Variants in RPTOR observed in about 807,000 individuals in gnomAD.
RPTOR encodes the protein regulatory associated protein of MTOR complex 1.
A neutral mutation model predicts 169.9 loss-of-function variants in RPTOR; 21 were observed. That is an observed-to-expected ratio of 0.12 (90% confidence interval 0.09 to 0.18). The LOEUF is 0.18. RPTOR is among the 10% of genes least tolerant of loss of function. The pLI is 1.00. For missense variants in RPTOR, 1,133 were observed against 1,855.9 expected (o/e 0.61, Z 7.16); for synonymous variants, 732 against 753.2 (o/e 0.97, Z 0.46).
chr17:80,659,408 C>T lies in RPTOR; in HGVS notation c.348+15598C>T, dbSNP rs531520455. On this transcript the variant is annotated intron_variant, in intron 3 of 33. Coordinates refer to ENST00000306801, the MANE Select transcript of RPTOR (RefSeq NM_020761.3). This position sits in a 1 kb window ranked among gnomAD's most constrained non-coding sequence, Gnocchi z 4.3. ...GTGCAGTGGTGCAATCACGGGTCACCGCAGCCTCGACCTCCTGGGCTCAAG... is the reference window on the plus strand; with the variant it reads ...GTGCAGTGGTGCAATCACGGGTCACTGCAGCCTCGACCTCCTGGGCTCAAG... 2.0e-5 allele frequency among the ~76,000 whole-genome samples: 3 copies of T among 152,268 alleles called. No individual in the cohort carries two copies. The highest frequency in any genetic ancestry group is 2.9e-5 in the Non-Finnish European group (2 of 68,018).
Position 80,676,710 on chromosome 17 carries a change from T to C in RPTOR, c.349-31131T>C, listed in dbSNP as rs1240449356. On this transcript the variant is annotated intron_variant, in intron 3 of 33. Transcript: ENST00000306801. ...AGCAGGGTGGCTGCTTCTCCAGGCC[T>C]GGAAGCCTGCGTGGTGGCTGAACTG... is the stretch of plus-strand genomic sequence containing the variant. Among the ~76,000 whole-genome samples, 3 of 152,216 alleles carry C rather than the reference T, an allele frequency of 2.0e-5. No homozygotes were observed. The East Asian group carries it at 5.8e-4, about 29-fold the overall frequency.
intron 9 of RPTOR, among the ~76,000 whole-genome samples, chr17:80,832,894 A>C (rs2067521519): frequency 6.6e-6 from 1 of 152,252 alleles, no homozygotes; most frequent in Admixed American, 6.5e-5. Context: ...AAGAGGAAAG[A>C]GGGAACAAAG....
chr17:80,689,060 T>C (rs1285745271), intron 3 of RPTOR, among the ~76,000 whole-genome samples: 1 of 152,256 alleles, frequency 6.6e-6, no homozygotes, highest in African/African-American at 2.4e-5. Flanking sequence ...ATTTTGGATA[T>C]GACTTTGCCT....
chr17:80,626,647 A>G (rs912708652), intron 2 of RPTOR, among the ~76,000 whole-genome samples: 9 of 151,180 alleles, frequency 6.0e-5, no homozygotes, highest in Admixed American at 5.3e-4. Flanking sequence ...TGAGACATAG[A>G]GATTAGTAAT....
chr17:80,654,632 G>A (rs12939557), intron 3 of RPTOR, among the ~76,000 whole-genome samples: 9,601 of 152,318 alleles, frequency 0.063, 390 homozygotes, highest in Non-Finnish European at 0.1. Flanking sequence ...TGCATGTGTG[G>A]CAGGCTCCTT....
At chr17:80,881,433 G>A (rs545685565) in intron 14 of RPTOR, among the ~76,000 whole-genome samples, 4 of 152,370 alleles carry the variant, frequency 2.6e-5, no homozygotes, top group South Asian at 4.1e-4. Flanking sequence ...GCTCACTGGC[G>A]ACTTGGGCGC....
chr17:80,954,505 A>G (rs545406963), intron 28 of RPTOR, among the ~76,000 whole-genome samples: 82 of 676 alleles, frequency 0.12, 1 homozygote, highest in South Asian at 0.41. Context: ...GGCTTAAGCA[A>G]TCCTCTGTCT....
chr17:80,940,639 G>C (rs547988883), intron 25 of RPTOR, 38 bp downstream of exon 25: 2 of 1,537,060 alleles, frequency 1.3e-6, no homozygotes, highest in African/African-American at 2.7e-5. Flanking sequence ...GGCTCATTCC[G>C]GGGGTGGGGC....
At chr17:80,752,813 T>C (rs929335543) in intron 5 of RPTOR, among the ~76,000 whole-genome samples, 1 of 152,240 alleles carries the variant, frequency 6.6e-6, no homozygotes, top group African/African-American at 2.4e-5. Flanking sequence ...AACCTTTGAA[T>C]GTAATGCATT....
intron 1 of RPTOR, among the ~76,000 whole-genome samples, chr17:80,546,165 A>G (rs899894090): frequency 6.6e-6 from 1 of 152,242 alleles, no homozygotes; most frequent in African/African-American, 2.4e-5. Flanking sequence ...TGATTAGTCT[A>G]CTTTTTAAAA....
At chr17:80,796,144 C>A (rs1056492048) in intron 7 of RPTOR, among the ~76,000 whole-genome samples, 1 of 152,226 alleles carries the variant, frequency 6.6e-6, no homozygotes, top group Non-Finnish European at 1.5e-5. Context: ...TGTCAAGACA[C>A]TGCCTGAGAC....
chr17:80,570,193 T>A (rs1281371646), intron 1 of RPTOR, among the ~76,000 whole-genome samples: 9 of 152,072 alleles, frequency 5.9e-5, no homozygotes. Flanking sequence ...CACACCTCAT[T>A]TGTCTTCCCG....
At position 80,962,918 on chromosome 17, in the gene RPTOR, C is replaced by T. The variant is rs2069364385; in HGVS notation, c.3810-10C>T. 2.5e-6 allele frequency: 4 copies of T among 1,613,334 alleles called. No homozygotes were observed. Among genetic ancestry groups the T allele is most frequent in the Non-Finnish European group, 3.4e-6 (4 of 1,179,884 alleles). ...GGGCAGTGATGCCGGGACCCTTTCT[C>T]TCCCCACAGTGGCTCCGTCAATCAG... is the stretch of plus-strand genomic sequence containing the variant. On this transcript the variant is annotated splice_polypyrimidine_tract_variant and intron_variant, in intron 32 of 33. Transcript: ENST00000306801.
At chr17:80,857,988 TC>T (rs2067873431) in intron 13 of RPTOR, 88 bp downstream of exon 13, 1 of 1,025,360 alleles carries the variant, frequency 9.8e-7, no homozygotes, top group African/African-American at 1.6e-5. Flanking sequence ...GCCTGCCCTT[TC>T]TCCAGCCTCG....
chr17:80,876,936 C>T (rs1157331971), intron 13 of RPTOR, among the ~76,000 whole-genome samples: 4 of 142,456 alleles, frequency 2.8e-5, no homozygotes, highest in African/African-American at 1.1e-4. Flanking sequence ...TCCCACCGAG[C>T]CCGTGCCACT....
chr17:80,931,613 C>T (rs1373894511), intron 24 of RPTOR, among the ~76,000 whole-genome samples: 2 of 151,584 alleles, frequency 1.3e-5, no homozygotes, highest in Non-Finnish European at 2.9e-5. Flanking sequence ...CAAACCCTGT[C>T]GCCCCCAGAG....
At chr17:80,755,269 C>T (rs1333072082) in intron 6 of RPTOR, among the ~76,000 whole-genome samples, 1 of 152,166 alleles carries the variant, frequency 6.6e-6, no homozygotes, top group Non-Finnish European at 1.5e-5. Flanking sequence ...CAGGGAGAGA[C>T]CTCCTTTTAG....
At chr17:80,634,236 T>TGC (rs2065467538) in intron 2 of RPTOR, among the ~76,000 whole-genome samples, 1 of 147,960 alleles carries the variant, frequency 6.8e-6, no homozygotes, top group African/African-American at 2.6e-5. Context: ...GTGTACTGTG[T>TGC]GTGCGTGCAT....
chr17:80,712,353 C>T (rs1312888687), intron 4 of RPTOR, among the ~76,000 whole-genome samples: 1 of 152,132 alleles, frequency 6.6e-6, no homozygotes, highest in African/African-American at 2.4e-5. Context: ...GTCCTCTGTG[C>T]GCCCCCTCAT....
Sources: allele counts gnomAD v4.1 joint callset (sites outside exome capture counted in the v4.1 genomes callset), GRCh38; gene constraint gnomAD v4.1.1; non-coding constraint Gnocchi (gnomAD v3.1); transcripts MANE v1.5; gene names NCBI Gene and HGNC (gene_info 2026-07-23, HGNC 2026-07-21).